The following ST6GALNAC5 variants were observed in gnomAD, a reference collection of about 807,000 sequenced individuals.
The protein encoded by ST6GALNAC5 is ST6 N-acetylgalactosaminide alpha-2,6-sialyltransferase 5.
Under a neutral mutation model 33.6 loss-of-function variants are expected in ST6GALNAC5, and 27 were observed. The ratio of observed to expected loss-of-function variants is 0.80; its 90% CI spans 0.59 to 1.11. The LOEUF (loss-of-function observed/expected upper bound fraction) is 1.11. Ranked by LOEUF, ST6GALNAC5 falls within the 50% of genes least tolerant of loss-of-function variation. The probability of loss-of-function intolerance (pLI) is 0.00; values close to 1 mark genes in which losing one functional copy is unlikely to be tolerated. For synonymous variants in ST6GALNAC5, 194 were observed against 171.2 expected, an observed-to-expected ratio of 1.13 and a Z score of -1.04; for missense variants, 428 against 454.0, an observed-to-expected ratio of 0.94 and a Z score of 0.52.
chr1:77,062,860 A>T, intron 4 of ST6GALNAC5, 115 bp from the exon 5 acceptor site: 1 of 716,602 alleles, frequency 1.4e-6, no homozygotes, highest in Non-Finnish European at 2.3e-6. Flanking sequence ...GTTCAAACTC[A>T]TTTAACTAGA....
At chr1:77,032,029 C>T (rs1177104073) in intron 2 of ST6GALNAC5, among the ~76,000 whole-genome samples, 2 of 152,078 alleles carry the variant, frequency 1.3e-5, no homozygotes, top group African/African-American at 2.4e-5. Flanking sequence ...TCATAGACAG[C>T]GAAAGGCAGA....
chr1:76,969,479 G>A lies in ST6GALNAC5; in HGVS notation c.262-74725G>A, dbSNP rs11162238. ...AGGCAGTAGCCTGTCAGGGAGAGGG[G>A]CATCTGCCATTACTGAGCCTTCAGT... On this transcript the variant is annotated intron_variant, in intron 2 of 4. Coordinates refer to ENST00000477717, the MANE Select transcript of ST6GALNAC5 (RefSeq NM_030965.3). Among the ~76,000 whole-genome samples, 1,183 of 152,294 alleles carry A rather than the reference G, an allele frequency of 7.8e-3. 16 individuals are homozygous for A. The highest frequency in any genetic ancestry group is 0.023 in the African/African-American group (959 of 41,584).
chr1:76,882,012 C>A (rs549930534), intron 2 of ST6GALNAC5, among the ~76,000 whole-genome samples: 115 of 152,202 alleles, frequency 7.6e-4, no homozygotes, highest in Non-Finnish European at 1.4e-3. Flanking sequence ...ATCTTCTAAG[C>A]AGTGACTCAA....
chr1:77,023,204 G>A (rs1476635627), intron 2 of ST6GALNAC5, among the ~76,000 whole-genome samples: 2 of 152,278 alleles, frequency 1.3e-5, no homozygotes, highest in South Asian at 2.1e-4. Flanking sequence ...GAACTGTTGC[G>A]GGGAGGGATT....
At chr1:77,010,359 A>G (rs2003707) in intron 2 of ST6GALNAC5, among the ~76,000 whole-genome samples, 134,658 of 152,082 alleles carry the variant, frequency 0.89, 59,873 homozygotes, top group Middle Eastern at 0.95. Flanking sequence ...GCCAGGTGTG[A>G]TGGCACACAC....
chr1:77,057,894 A>G (rs1652452423), intron 4 of ST6GALNAC5, among the ~76,000 whole-genome samples: 1 of 152,202 alleles, frequency 6.6e-6, no homozygotes, highest in Non-Finnish European at 1.5e-5. Context: ...AGAAGAGTCA[A>G]AAAGTGGAAC....
At chr1:76,872,521 A>G (rs1343005031) in intron 2 of ST6GALNAC5, among the ~76,000 whole-genome samples, 1 of 152,212 alleles carries the variant, frequency 6.6e-6, no homozygotes, top group Non-Finnish European at 1.5e-5. Context: ...TAGTGGTAAT[A>G]GTACTATTAC....
At chr1:76,921,371 T>C (rs1248369031) in intron 2 of ST6GALNAC5, among the ~76,000 whole-genome samples, 2 of 151,700 alleles carry the variant, frequency 1.3e-5, no homozygotes, top group Non-Finnish European at 2.9e-5. Context: ...AAGTAAGAAA[T>C]ACAGAACAAG....
chr1:77,004,646 T>C (rs1650321214), intron 2 of ST6GALNAC5, among the ~76,000 whole-genome samples: 2 of 118,824 alleles, frequency 1.7e-5, no homozygotes, highest in African/African-American at 5.2e-5. Context: ...TCTTTGATGA[T>C]GGTGATGTAC....
rs1652808303 is a variant in ST6GALNAC5, at chr1:77,067,188, A to G, written c.*3982A>G. On this transcript the variant is annotated 3_prime_UTR_variant, in exon 5 of 5. Transcript: ENST00000477717. ...GGCAGGATGTGTGAACCAATTGCCT[A>G]GGTGTTAGCACATGCCAGAAGGTAC... 6.6e-6 allele frequency among the ~76,000 whole-genome samples: 1 copy of G among 152,190 alleles called. No homozygotes were observed. The highest frequency in any genetic ancestry group is 1.5e-5 in the Non-Finnish European group (1 of 68,024).
chr1:77,020,455 C>A (rs1488702930), intron 2 of ST6GALNAC5, among the ~76,000 whole-genome samples: 1 of 152,140 alleles, frequency 6.6e-6, no homozygotes, highest in Non-Finnish European at 1.5e-5. Flanking sequence ...GGCTGGAGTA[C>A]AGTGGCACAG....
chr1:76,876,650 C>T lies in ST6GALNAC5; in HGVS notation c.261+7908C>T, dbSNP rs146678019. Among the ~76,000 whole-genome samples the T allele has an allele frequency of 1.3e-3, 197 of 152,306 alleles. 2 individuals are homozygous for T. The highest frequency in any genetic ancestry group is 4.6e-3 in the African/African-American group (192 of 41,568). On this transcript the variant is annotated intron_variant, in intron 2 of 4. Coordinates refer to ENST00000477717, the MANE Select transcript of ST6GALNAC5 (RefSeq NM_030965.3). ...CATGAATCAGTATATAATCTCACAT[C>T]GGACCGTTTCTCCTTCCATGCAAAG... is the stretch of plus-strand genomic sequence containing the variant.
Position 76,867,598 on chromosome 1 carries a change from C to T in ST6GALNAC5, c.-78C>T. 1 of 1,609,936 alleles carries T rather than the reference C, an allele frequency of 6.2e-7. No individual in the cohort carries two copies. Among genetic ancestry groups the T allele is most frequent in the Non-Finnish European group, 8.5e-7 (1 of 1,176,326 alleles). ...AATCAGAGCCGCCTCCGCCCCATTA[C>T]CCATCATGGAAACCCTCCAGGAAAA... is the stretch of plus-strand genomic sequence containing the variant. On this transcript the variant is annotated 5_prime_UTR_variant, in exon 1 of 5. Transcript: ENST00000477717.
At chr1:76,981,352 G>T (rs994314407) in intron 2 of ST6GALNAC5, among the ~76,000 whole-genome samples, 7 of 152,188 alleles carry the variant, frequency 4.6e-5, no homozygotes, top group African/African-American at 1.7e-4. Flanking sequence ...TGCCTGGCTC[G>T]ATGGGTCCCA....
intron 2 of ST6GALNAC5, among the ~76,000 whole-genome samples, chr1:77,007,148 G>A (rs1230154419): frequency 3.3e-5 from 5 of 152,172 alleles, no homozygotes; most frequent in Admixed American, 2.0e-4. Flanking sequence ...TGGACACAGC[G>A]AGGCAGAAAA....
chr1:76,974,969 T>G (rs1022717285), intron 2 of ST6GALNAC5, among the ~76,000 whole-genome samples: 1 of 151,696 alleles, frequency 6.6e-6, no homozygotes, highest in Non-Finnish European at 1.5e-5. Context: ...GTATTTTTAG[T>G]AGAAACGGGG....
intron 2 of ST6GALNAC5, among the ~76,000 whole-genome samples, chr1:77,022,154 C>T (rs1393947855): frequency 6.6e-6 from 1 of 152,076 alleles, no homozygotes; most frequent in Admixed American, 6.5e-5. Context: ...CTTTCACTTG[C>T]CATTGAATCC....
At chr1:76,916,384 A>T (rs1380560194) in intron 2 of ST6GALNAC5, among the ~76,000 whole-genome samples, 2 of 152,204 alleles carry the variant, frequency 1.3e-5, no homozygotes, top group Non-Finnish European at 2.9e-5. Context: ...CTTTAAAGGA[A>T]GGAAAAAAAT....
intron 2 of ST6GALNAC5, among the ~76,000 whole-genome samples, chr1:76,929,968 A>C (rs1031316924): frequency 2.6e-5 from 4 of 152,090 alleles, no homozygotes; most frequent in Non-Finnish European, 5.9e-5. Context: ...AAATTGAAAA[A>C]TTAATTACAC....
Sources: gnomAD v4.1 joint callset for allele counts (sites outside exome capture counted in the v4.1 genomes callset) on GRCh38, gnomAD v4.1.1 for gene constraint, MANE v1.5 for transcripts, NCBI Gene and HGNC (gene_info 2026-07-23, HGNC 2026-07-21) for gene names.